The following SORBS2 variants were observed in gnomAD, a reference collection of about 807,000 sequenced individuals.
The protein encoded by SORBS2 is sorbin and SH3 domain containing 2, also known as sorbin and SH3 domain-containing protein 2.
SORBS2 carries 46 observed loss-of-function variants against 97.7 expected under a neutral mutation model. The observed-to-expected ratio is 0.47, with a 90% CI of 0.37 to 0.60. The LOEUF is 0.60. Among genes scored for constraint, SORBS2 ranks in the 20% least tolerant of loss-of-function variants. The pLI is 0.00. For missense variants in SORBS2, 1,316 were observed against 1,282.3 expected (o/e 1.03, Z -0.40); for synonymous variants, 476 against 473.4 (o/e 1.01, Z -0.07).
intron 1 of SORBS2, among the ~76,000 whole-genome samples, chr4:185,895,013 C>T (rs2099244334): frequency 1.3e-5 from 2 of 152,188 alleles, no homozygotes; most frequent in East Asian, 3.9e-4. Flanking sequence ...TTTAATGACC[C>T]CTTCATCTGA....
At chr4:185,937,247 C>T (rs2099269376) in intron 1 of SORBS2, among the ~76,000 whole-genome samples, 1 of 152,206 alleles carries the variant, frequency 6.6e-6, no homozygotes, top group South Asian at 2.1e-4. Context: ...TTGAGAAATA[C>T]ATGTGACCTT....
intron 2 of SORBS2, among the ~76,000 whole-genome samples, chr4:185,691,229 T>A (rs1401994264): frequency 6.6e-6 from 1 of 152,088 alleles, no homozygotes; most frequent in Non-Finnish European, 1.5e-5. Context: ...GAGAGGGTTG[T>A]GCTCTGTTAC....
chr4:185,685,230 T>A (rs892916853), intron 2 of SORBS2, among the ~76,000 whole-genome samples: 2 of 152,242 alleles, frequency 1.3e-5, no homozygotes, highest in African/African-American at 4.8e-5. Context: ...ATTAGCTCCA[T>A]GTCAGGATTA....
At chr4:185,756,922 AT>A in intron 2 of SORBS2, 1 of 1,364,600 alleles carries the variant, frequency 7.3e-7, no homozygotes, top group Non-Finnish European at 1.0e-6. Context: ...CATATTGAGT[AT>A]TTTCATTTCT....
At chr4:185,891,920 C>T (rs1358181560) in intron 1 of SORBS2, among the ~76,000 whole-genome samples, 10 of 152,000 alleles carry the variant, frequency 6.6e-5, no homozygotes, top group African/African-American at 1.5e-4. Context: ...CTGCAACATC[C>T]ACCTCCCGGG....
Position 185,883,517 on chromosome 4 carries a change from A to C in SORBS2, c.-338+72679T>G, listed in dbSNP as rs574201006. 3.9e-5 allele frequency among the ~76,000 whole-genome samples: 6 copies of C among 152,352 alleles called. No homozygotes were observed. The South Asian group carries it at 1.2e-3, about 32-fold the overall frequency. The stretch of plus-strand genomic sequence containing the variant: ...CAATCCCACTGCTCGATTTTTATCC[A>C]AGAGAAATGAAAACCTACATCCACA... On this transcript the variant is annotated intron_variant, in intron 1 of 20. Transcript: ENST00000284776.
chr4:185,766,398 A>T (rs576117067), intron 2 of SORBS2, among the ~76,000 whole-genome samples: 1 of 152,328 alleles, frequency 6.6e-6, no homozygotes, highest in Non-Finnish European at 1.5e-5. Context: ...ATGGTCTTCA[A>T]CAGTTTTTGT....
chr4:185,917,190 T>C (rs947436124), intron 1 of SORBS2, among the ~76,000 whole-genome samples: 1 of 152,206 alleles, frequency 6.6e-6, no homozygotes, highest in African/African-American at 2.4e-5. Flanking sequence ...CCTTCCCTCA[T>C]ACCCTGCCCT....
At chr4:185,808,366 T>C (rs73873394) in intron 1 of SORBS2, among the ~76,000 whole-genome samples, 7,615 of 152,276 alleles carry the variant, frequency 0.05, 289 homozygotes, top group African/African-American at 0.11. Flanking sequence ...GAACTTTTGC[T>C]TTCAACACAG....
chr4:185,949,631 C>G (rs920711321), intron 1 of SORBS2, among the ~76,000 whole-genome samples: 2 of 151,888 alleles, frequency 1.3e-5, no homozygotes, highest in African/African-American at 4.8e-5. Flanking sequence ...TGAATTTTAA[C>G]AATCATAACT....
intron 1 of SORBS2, among the ~76,000 whole-genome samples, chr4:185,848,032 A>C (rs2099215537): frequency 6.6e-6 from 1 of 152,164 alleles, no homozygotes; most frequent in Admixed American, 6.5e-5. Context: ...ATTTGTCCCC[A>C]GGTCATGGTT....
chr4:185,815,518 T>C (rs2099192756), intron 1 of SORBS2, among the ~76,000 whole-genome samples: 1 of 152,220 alleles, frequency 6.6e-6, no homozygotes, highest in African/African-American at 2.4e-5. Context: ...ATGTTCAGTA[T>C]GAAAGCGTAG....
intron 2 of SORBS2, among the ~76,000 whole-genome samples, chr4:185,708,768 G>A (rs1343471887): frequency 6.6e-6 from 1 of 152,128 alleles, no homozygotes; most frequent in Non-Finnish European, 1.5e-5. Flanking sequence ...AATCATTAAG[G>A]CAAGGGGGAA....
At chr4:185,677,660 G>C in intron 4 of SORBS2, 1 of 1,466,452 alleles carries the variant, frequency 6.8e-7, no homozygotes, top group Non-Finnish European at 9.0e-7. Context: ...ATGGGATCCA[G>C]AGAAAGAAAT....
intron 2 of SORBS2, among the ~76,000 whole-genome samples, chr4:185,718,744 G>C (rs2098486139): frequency 6.6e-6 from 1 of 152,160 alleles, no homozygotes; most frequent in African/African-American, 2.4e-5. Flanking sequence ...TCATTAACTG[G>C]GTGAGTGTCT....
In SORBS2 at chr4:185,670,773, G is replaced by A. The variant is rs59263088; in HGVS notation, c.-46+7650C>T. On this transcript the variant is annotated intron_variant, in intron 4 of 20. Transcript: ENST00000284776. ...CCCTCTTTTCATGGCCTGTCCTGGT[G>A]GTATGAGGAGACCTGCCTGGCAGCT... is the stretch of plus-strand genomic sequence containing the variant. 5.2e-3 allele frequency among the ~76,000 whole-genome samples: 787 copies of A among 152,128 alleles called. 6 individuals carry two copies. The highest frequency in any genetic ancestry group is 0.018 in the African/African-American group (756 of 41,494).
At chr4:185,950,904 T>C (rs1276543722) in intron 1 of SORBS2, among the ~76,000 whole-genome samples, 1 of 152,140 alleles carries the variant, frequency 6.6e-6, no homozygotes, top group African/African-American at 2.4e-5. Context: ...TTCCAGAGGA[T>C]GCTGAACGTT....
rs1477533747 is a variant in SORBS2 at position 185,622,927 on chromosome 4, G to A, written c.2202C>T (p.Gly734=). Reference sequence around the variant, plus strand: ...AAGCTCATCCACCTTGGAGTGCACCGCCACGGTCTTGGTGGTGGCAGCTGC... The same window carrying A: ...AAGCTCATCCACCTTGGAGTGCACCACCACGGTCTTGGTGGTGGCAGCTGC... Residue 734 remains glycine (G), a synonymous_variant, in exon 7 of 15, where the codon GGC becomes GGT. Transcript: ENST00000418609. The A allele has an allele frequency of 5.6e-6, 9 of 1,608,998 alleles. No homozygotes were observed. The Admixed American group carries it at 1.0e-4, about 18-fold the overall frequency.
chr4:185,824,144 G>A (rs2099198430), intron 1 of SORBS2, among the ~76,000 whole-genome samples: 1 of 152,124 alleles, frequency 6.6e-6, no homozygotes, highest in South Asian at 2.1e-4. Flanking sequence ...AGTACTGGAG[G>A]CCAGAAGTCA....
Sources: allele counts gnomAD v4.1 joint callset (sites outside exome capture counted in the v4.1 genomes callset), GRCh38; gene constraint gnomAD v4.1.1; transcripts MANE v1.5; gene names NCBI Gene and HGNC (gene_info 2026-07-23, HGNC 2026-07-21).